The following MCPH1 variants were observed in gnomAD, a reference collection of about 807,000 sequenced individuals.
MCPH1 encodes microcephalin.
In MCPH1, 104 loss-of-function variants were observed where a neutral mutation model predicts 84.5. That is an observed-to-expected ratio of 1.23 (90% CI 1.05 to 1.45). MCPH1 has a LOEUF of 1.45. MCPH1 is among the 40% of genes most tolerant of loss of function. The pLI is 0.00. For missense variants in MCPH1, 1,498 were observed against 1,005.7 expected, an observed-to-expected ratio of 1.49 and a Z score of -6.62; for synonymous variants, 514 against 366.8, an observed-to-expected ratio of 1.40 and a Z score of -4.58.
chr8:6,546,503 C>T (rs1415138274), intron 12 of MCPH1, among the ~76,000 whole-genome samples: 1 of 151,786 alleles, frequency 6.6e-6, no homozygotes, highest in Non-Finnish European at 1.5e-5. Flanking sequence ...TCCATTCATA[C>T]GTCACTGGGG....
chr8:6,529,986 A>G (rs1819153577), intron 12 of MCPH1, among the ~76,000 whole-genome samples: 1 of 151,742 alleles, frequency 6.6e-6, no homozygotes, highest in South Asian at 2.1e-4. Context: ...CTGTCCTAAC[A>G]CTTTTTCATT....
intron 12 of MCPH1, chr8:6,502,871 T>G: frequency 1.9e-6 from 1 of 517,898 alleles, no homozygotes; most frequent in Non-Finnish European, 3.4e-6. Flanking sequence ...GCATAGGTGT[T>G]CTGTCTAATC....
At chr8:6,639,639 G>C (rs765312497) in intron 13 of MCPH1, among the ~76,000 whole-genome samples, 13 of 151,374 alleles carry the variant, frequency 8.6e-5, no homozygotes, top group Non-Finnish European at 1.8e-4. Context: ...CTCCAGTCTG[G>C]GCAATGGATC....
chr8:6,624,234 G>C (rs1008563038), intron 13 of MCPH1, among the ~76,000 whole-genome samples: 2 of 152,226 alleles, frequency 1.3e-5, no homozygotes, highest in Admixed American at 1.3e-4. Context: ...TGGGCCACAG[G>C]CCCCAGCCTC....
chr8:6,603,235 A>G (rs1400747997), intron 12 of MCPH1, among the ~76,000 whole-genome samples: 1 of 152,136 alleles, frequency 6.6e-6, no homozygotes, highest in African/African-American at 2.4e-5. Context: ...TCATAGTCCC[A>G]TTAACATGAA....
intron 13 of MCPH1, among the ~76,000 whole-genome samples, chr8:6,636,398 C>T (rs1055131305): frequency 1.3e-4 from 19 of 151,050 alleles, no homozygotes; most frequent in African/African-American, 3.6e-4. Context: ...CACTGATTGT[C>T]CACATGGGGG....
chr8:6,509,776 G>A (rs1343024235), intron 12 of MCPH1, among the ~76,000 whole-genome samples: 1 of 152,180 alleles, frequency 6.6e-6, no homozygotes, highest in Non-Finnish European at 1.5e-5. Context: ...TCATAGCTTA[G>A]CTCTAGCCTT....
At chr8:6,518,911 G>A (rs948440600) in intron 12 of MCPH1, among the ~76,000 whole-genome samples, 1 of 147,614 alleles carries the variant, frequency 6.8e-6, no homozygotes, top group Non-Finnish European at 1.5e-5. Flanking sequence ...CTCCGGAAGG[G>A]TTTTTTTTTT....
chr8:6,628,529 G>A (rs1014427917), intron 13 of MCPH1, among the ~76,000 whole-genome samples: 1 of 147,996 alleles, frequency 6.8e-6, no homozygotes, highest in African/African-American at 2.5e-5. Flanking sequence ...CTAGAATACA[G>A]GAGTCAGCTG....
At chr8:6,442,594 A>C (rs1276439611) in intron 7 of MCPH1, among the ~76,000 whole-genome samples, 2 of 152,246 alleles carry the variant, frequency 1.3e-5, no homozygotes, top group Non-Finnish European at 2.9e-5. Flanking sequence ...AATTAGAAGC[A>C]GAAAGAACAC....
At chr8:6,511,459 C>T (rs3020212) in intron 12 of MCPH1, among the ~76,000 whole-genome samples, 53,335 of 151,886 alleles carry the variant, frequency 0.35, 9,642 homozygotes, top group Middle Eastern at 0.47. Context: ...CTTTTAGTTT[C>T]ACTAGAAAGA....
chr8:6,489,158 A>G (rs1463011462), intron 11 of MCPH1, among the ~76,000 whole-genome samples: 2 of 152,192 alleles, frequency 1.3e-5, no homozygotes, highest in East Asian at 3.8e-4. Flanking sequence ...TAGAGATACT[A>G]CATATCAGAT....
At chr8:6,424,050 A>C (rs1200625498) in intron 3 of MCPH1, among the ~76,000 whole-genome samples, 2 of 152,098 alleles carry the variant, frequency 1.3e-5, no homozygotes, top group East Asian at 1.9e-4. Context: ...CATGGTTTCC[A>C]CTGAAAATGT....
intron 12 of MCPH1, among the ~76,000 whole-genome samples, chr8:6,568,882 T>C (rs1826439705): frequency 6.6e-6 from 1 of 152,192 alleles, no homozygotes; most frequent in African/African-American, 2.4e-5. Context: ...CCTTAATTTT[T>C]GGAAAGTGCC....
At chr8:6,598,187 C>T (rs531806756) in intron 12 of MCPH1, among the ~76,000 whole-genome samples, 2 of 152,326 alleles carry the variant, frequency 1.3e-5, no homozygotes, top group African/African-American at 4.8e-5. Flanking sequence ...TCAGAGTGAG[C>T]ACCAGAGACT....
chr8:6,528,158 T>A (rs2442610), intron 12 of MCPH1, among the ~76,000 whole-genome samples: 114,848 of 152,062 alleles, frequency 0.76, 43,583 homozygotes, highest in East Asian at 0.98. Flanking sequence ...CGGCCTCCCA[T>A]AGTGCTGGGA....
intron 3 of MCPH1, among the ~76,000 whole-genome samples, chr8:6,423,966 C>A (rs1298393857): frequency 6.6e-6 from 1 of 152,080 alleles, no homozygotes; most frequent in Non-Finnish European, 1.5e-5. Flanking sequence ...GAGATAAGAG[C>A]CAAACTGACC....
intron 12 of MCPH1, chr8:6,532,536 A>T (rs778832947): frequency 7.0e-7 from 1 of 1,426,662 alleles, no homozygotes; most frequent in South Asian, 1.5e-5. Flanking sequence ...ATGACCGGAA[A>T]CCTGATTCCT....
intron 12 of MCPH1, among the ~76,000 whole-genome samples, chr8:6,579,401 C>A (rs562201185): frequency 1.2e-4 from 19 of 152,322 alleles, no homozygotes; most frequent in African/African-American, 4.3e-4. Flanking sequence ...GCCCTCCGCT[C>A]GGTCTCACTT....
Sources: gnomAD v4.1 joint callset for allele counts (sites outside exome capture counted in the v4.1 genomes callset) on GRCh38, gnomAD v4.1.1 for gene constraint, MANE v1.5 for transcripts, NCBI Gene and HGNC (gene_info 2026-07-23, HGNC 2026-07-21) for gene names.